Variants in CHD9 observed in about 807,000 individuals in gnomAD.
The protein encoded by CHD9 is ATP-dependent chromatin remodeler CHD9.
In CHD9, 77 loss-of-function variants were observed where a neutral mutation model predicts 316.1. That is an observed-to-expected ratio of 0.24 (90% CI 0.20 to 0.29). The LOEUF (loss-of-function observed/expected upper bound fraction) is 0.29. Among genes scored for constraint, CHD9 ranks in the 10% least tolerant of loss-of-function variants. The pLI, the probability that CHD9 is intolerant of heterozygous loss-of-function variation, is 1.00. For synonymous variants in CHD9, 1,129 were observed against 1,158.3 expected (o/e 0.97, Z 0.51); for missense variants, 2,763 against 3,438.1 (o/e 0.80, Z 4.91).
intron 22 of CHD9, among the ~76,000 whole-genome samples, chr16:53,271,526 G>A (rs1000665095): frequency 4.0e-5 from 6 of 150,824 alleles, no homozygotes; most frequent in South Asian, 2.1e-4. Context: ...CCGAGATCAC[G>A]CTACTGCACT....
intron 24 of CHD9, among the ~76,000 whole-genome samples, chr16:53,276,126 C>T (rs1049644005): frequency 6.6e-6 from 1 of 152,162 alleles, no homozygotes; most frequent in Non-Finnish European, 1.5e-5. Flanking sequence ...CCTCATTATT[C>T]AACATAGATT....
chr16:53,133,809 C>T (rs554672716), intron 1 of CHD9, among the ~76,000 whole-genome samples: 1 of 152,278 alleles, frequency 6.6e-6, no homozygotes, highest in East Asian at 1.9e-4. Context: ...TTATCTAATG[C>T]AACCGAATGC....
At chr16:53,253,311 G>C (rs1382089591) in intron 17 of CHD9, among the ~76,000 whole-genome samples, 1 of 152,060 alleles carries the variant, frequency 6.6e-6, no homozygotes, top group East Asian at 1.9e-4. Context: ...GATGATATTG[G>C]AGACTATTAT....
At chr16:53,159,366 G>A (rs572370095) in intron 2 of CHD9, among the ~76,000 whole-genome samples, 55 of 152,046 alleles carry the variant, frequency 3.6e-4, no homozygotes, top group Non-Finnish European at 6.2e-4. Context: ...CAATTTTGTC[G>A]TGAACATATT....
intron 1 of CHD9, among the ~76,000 whole-genome samples, chr16:53,154,118 T>A (rs1458607237): frequency 1.3e-5 from 2 of 152,240 alleles, no homozygotes; most frequent in African/African-American, 4.8e-5. Flanking sequence ...TGAATTCATA[T>A]TAATTTAATA....
At chr16:53,093,683 G>T (rs1004624630) in intron 1 of CHD9, among the ~76,000 whole-genome samples, 4 of 152,194 alleles carry the variant, frequency 2.6e-5, no homozygotes, top group African/African-American at 9.6e-5. Context: ...GGCAAAGGCG[G>T]TATGATTGTC....
At chr16:53,277,297 A>G (rs938362034) in intron 24 of CHD9, among the ~76,000 whole-genome samples, 3 of 152,170 alleles carry the variant, frequency 2.0e-5, no homozygotes, top group African/African-American at 4.8e-5. Flanking sequence ...AGGAAAGGAC[A>G]TAACTGAAAA....
chr16:53,299,374 A>G (rs2055139726), intron 30 of CHD9: 1 of 162,854 alleles, frequency 6.1e-6, no homozygotes, highest in African/African-American at 2.4e-5. Context: ...ACCCAAATTA[A>G]TCAGATTAAA....
chr16:53,267,599 T>A, intron 21 of CHD9, 109 bp downstream of exon 21: 2 of 804,598 alleles, frequency 2.5e-6, no homozygotes, highest in Non-Finnish European at 1.9e-6. Context: ...CATTAAAATT[T>A]ACTTTTAAAG....
At chr16:53,213,424 A>G (rs1440505334) in intron 3 of CHD9, among the ~76,000 whole-genome samples, 2 of 152,308 alleles carry the variant, frequency 1.3e-5, no homozygotes, top group East Asian at 1.9e-4. Flanking sequence ...TAGGTACATA[A>G]TAGATGCTCC....
intron 10 of CHD9, among the ~76,000 whole-genome samples, chr16:53,234,435 C>T (rs771839022): frequency 4.6e-5 from 7 of 152,166 alleles, no homozygotes; most frequent in Non-Finnish European, 8.8e-5. Flanking sequence ...GTCAGTCTTT[C>T]ACCTTTAAAT....
At chr16:53,224,106 C>T (rs1248639881) in intron 4 of CHD9, among the ~76,000 whole-genome samples, 1 of 152,126 alleles carries the variant, frequency 6.6e-6, no homozygotes, top group Non-Finnish European at 1.5e-5. Flanking sequence ...TCACTTAAAA[C>T]GTGCTTCTAA....
chr16:53,206,092 A>G (rs918789060), intron 2 of CHD9, among the ~76,000 whole-genome samples: 1 of 152,084 alleles, frequency 6.6e-6, no homozygotes, highest in African/African-American at 2.4e-5. Context: ...AGCTGGGATT[A>G]CAGGCATGCA....
At position 53,327,438 on chromosome 16, in the gene CHD9, A is replaced by T. The variant is rs1391005366; in HGVS notation, c.*2543A>T. ...GTAATTTATTAAATTACTTTCTATGATGTTCTATAGAGCAAATGGAAGTTT... is the reference window on the plus strand; with the variant it reads ...GTAATTTATTAAATTACTTTCTATGTTGTTCTATAGAGCAAATGGAAGTTT... On this transcript the variant is annotated 3_prime_UTR_variant, in exon 39 of 39. Coordinates refer to ENST00000447540, the MANE Select transcript of CHD9 (RefSeq NM_001308319.2). The T allele has an allele frequency of 6.6e-6, 1 of 152,538 alleles. No homozygotes were observed. The highest frequency in any genetic ancestry group is 1.9e-4 in the East Asian group (1 of 5,194). 9.4% of individuals were successfully genotyped at this position (152,538 alleles called of 1,614,324 possible).
chr16:53,131,613 G>T (rs1162429742), intron 1 of CHD9, among the ~76,000 whole-genome samples: 1 of 151,824 alleles, frequency 6.6e-6, no homozygotes, highest in Non-Finnish European at 1.5e-5. Context: ...CGGCCAGGGC[G>T]TGGGAAGGCG....
intron 1 of CHD9, among the ~76,000 whole-genome samples, chr16:53,056,466 T>C (rs886921313): frequency 3.9e-5 from 6 of 152,220 alleles, no homozygotes. Context: ...AATACTGCAT[T>C]TGATAGCCAA....
chr16:53,294,266 T>C (rs973160713), intron 29 of CHD9, among the ~76,000 whole-genome samples: 1 of 152,246 alleles, frequency 6.6e-6, no homozygotes, highest in African/African-American at 2.4e-5. Flanking sequence ...GGATGTCCTC[T>C]GGAAGATATA....
intron 2 of CHD9, chr16:53,208,372 G>A: frequency 1.6e-6 from 2 of 1,278,244 alleles, no homozygotes; most frequent in Non-Finnish European, 2.0e-6. Context: ...GAATGAGTGG[G>A]AGGAGGAGGG....
At chr16:53,247,169 G>A (rs927804122) in intron 15 of CHD9, 124 bp from the exon 16 acceptor site, 1 of 671,612 alleles carries the variant, frequency 1.5e-6, no homozygotes, top group East Asian at 2.7e-5. Context: ...TAAAAGCAAT[G>A]TACATGCCAT....
Sources: gnomAD v4.1 joint callset for allele counts (sites outside exome capture counted in the v4.1 genomes callset) on GRCh38, gnomAD v4.1.1 for gene constraint, MANE v1.5 for transcripts, NCBI Gene and HGNC (gene_info 2026-07-23, HGNC 2026-07-21) for gene names.